The following EPB41L3 variants were observed in gnomAD, a reference collection of about 807,000 sequenced individuals.
The protein encoded by EPB41L3 is erythrocyte membrane protein band 4.1 like 3.
EPB41L3 carries 57 observed loss-of-function variants against 127.1 expected under a neutral mutation model. That is an observed-to-expected ratio of 0.45 (90% CI 0.36 to 0.56). EPB41L3 has a LOEUF of 0.56. Among genes scored for constraint, EPB41L3 ranks in the 20% least tolerant of loss-of-function variants. The probability of loss-of-function intolerance (pLI) is 0.00; values close to 1 mark genes in which losing one functional copy is unlikely to be tolerated. For synonymous variants in EPB41L3, 572 were observed against 549.5 expected (o/e 1.04, Z -0.57); for missense variants, 1,273 against 1,372.2 (o/e 0.93, Z 1.14).
chr18:5,451,894 A>T (rs990391723), intron 3 of EPB41L3, among the ~76,000 whole-genome samples: 3 of 152,088 alleles, frequency 2.0e-5, no homozygotes, highest in African/African-American at 7.2e-5. Flanking sequence ...GCTGGAGTCC[A>T]GTGGCGTGAT....
At chr18:5,398,245 CAG>C (rs2073916159) in intron 16 of EPB41L3, 102 bp from the exon 17 acceptor site, 1 of 1,349,618 alleles carries the variant, frequency 7.4e-7, no homozygotes, top group South Asian at 1.3e-5. Context: ...GCAGAGGAGA[CAG>C]GGAGGAGGAA....
chr18:5,403,172 G>T (rs115824765), intron 16 of EPB41L3, among the ~76,000 whole-genome samples: 3 of 152,146 alleles, frequency 2.0e-5, no homozygotes, highest in Non-Finnish European at 4.4e-5. Context: ...TACCTGGCAC[G>T]CTGTACATAC....
intron 3 of EPB41L3, among the ~76,000 whole-genome samples, chr18:5,468,412 T>C (rs886881359): frequency 2.6e-5 from 4 of 152,176 alleles, no homozygotes; most frequent in African/African-American, 7.2e-5. Flanking sequence ...ACGGTGCTTT[T>C]TCCAGGCCTG....
At chr18:5,524,407 C>G (rs1054507324) in intron 1 of EPB41L3, among the ~76,000 whole-genome samples, 1 of 152,106 alleles carries the variant, frequency 6.6e-6, no homozygotes, top group African/African-American at 2.4e-5. Flanking sequence ...GTTGGCCAGG[C>G]TGGTCTCGAA....
intron 1 of EPB41L3, among the ~76,000 whole-genome samples, chr18:5,536,023 C>T (rs2093561413): frequency 6.6e-6 from 1 of 152,118 alleles, no homozygotes; most frequent in South Asian, 2.1e-4. Flanking sequence ...GCTGCATCTG[C>T]TGTCCCTCGA....
intron 16 of EPB41L3, 122 bp from the exon 17 acceptor site, chr18:5,398,265 G>A (rs1687285299): frequency 1.2e-5 from 14 of 1,139,616 alleles, no homozygotes; most frequent in South Asian, 3.1e-5. Context: ...GAAGAACGAA[G>A]GAATCTCAGA....
intron 1 of EPB41L3, among the ~76,000 whole-genome samples, chr18:5,534,574 C>T (rs997251082): frequency 1.3e-5 from 2 of 152,176 alleles, no homozygotes; most frequent in African/African-American, 4.8e-5. Context: ...GAGTTTCATA[C>T]TCAAAAAATT....
intron 2 of EPB41L3, among the ~76,000 whole-genome samples, chr18:5,481,593 C>T (rs1444093943): frequency 6.6e-6 from 1 of 152,202 alleles, no homozygotes; most frequent in Admixed American, 6.5e-5. Flanking sequence ...GGAGAAATAT[C>T]CCCGAGGACA....
Position 5,526,678 on chromosome 18 carries a change from T to C in EPB41L3, c.-12+17235A>G, listed in dbSNP as rs112446264. 2.5e-4 allele frequency among the ~76,000 whole-genome samples: 38 copies of C among 152,198 alleles called. 1 individual carries two copies. Among genetic ancestry groups the C allele is most frequent in the African/African-American group, 8.4e-4 (35 of 41,528 alleles). On this transcript the variant is annotated intron_variant, in intron 1 of 22. Coordinates refer to ENST00000341928, the MANE Select transcript of EPB41L3 (RefSeq NM_012307.5). ...AAAATTCAATTTTCAATTAAAAAAATAGAAATAAGCCAGCAATGGAAGCTT... is the reference window on the plus strand; with the variant it reads ...AAAATTCAATTTTCAATTAAAAAAACAGAAATAAGCCAGCAATGGAAGCTT...
At chr18:5,435,352 T>G (rs1161240254) in intron 6 of EPB41L3, among the ~76,000 whole-genome samples, 1 of 152,234 alleles carries the variant, frequency 6.6e-6, no homozygotes, top group African/African-American at 2.4e-5. Context: ...ACTCACTCAC[T>G]GACTCATTCA....
At chr18:5,516,679 T>G (rs2092763890) in intron 1 of EPB41L3, among the ~76,000 whole-genome samples, 1 of 152,146 alleles carries the variant, frequency 6.6e-6, no homozygotes. Flanking sequence ...CTAAGCAAAA[T>G]AATTAACAAG....
chr18:5,555,657 TG>T (rs2149169734), intron 3 of EPB41L3, among the ~76,000 whole-genome samples: 1 of 152,296 alleles, frequency 6.6e-6, no homozygotes, highest in South Asian at 2.1e-4. Context: ...CTCTGGGCTC[TG>T]TCCACATCTC....
At chr18:5,485,214 A>T (rs550387379) in intron 2 of EPB41L3, among the ~76,000 whole-genome samples, 1 of 152,234 alleles carries the variant, frequency 6.6e-6, no homozygotes, top group Admixed American at 6.5e-5. Flanking sequence ...AATAAACATG[A>T]TACATCACAT....
intron 12 of EPB41L3, 72 bp from the exon 13 acceptor site, chr18:5,416,450 ATTAG>A (rs2076841383): frequency 6.9e-7 from 1 of 1,440,348 alleles, no homozygotes; most frequent in Admixed American, 2.5e-5. Flanking sequence ...GAAAACTGCA[ATTAG>A]TTAATTTTCT....
Position 5,592,219 on chromosome 18 carries a change from T to C in EPB41L3, c.-306+20121A>G, listed in dbSNP as rs368353125. Among the ~76,000 whole-genome samples, 3 of 152,248 alleles carry C rather than the reference T, an allele frequency of 2.0e-5. No individual in the cohort carries two copies. The South Asian group carries it at 6.2e-4, about 32-fold the overall frequency. ...TCTCGCTCTGTCACCCAGGCGGGAGTGCAGTGGCATGATCTTGGCTCACTG... is the reference window on the plus strand; with the variant it reads ...TCTCGCTCTGTCACCCAGGCGGGAGCGCAGTGGCATGATCTTGGCTCACTG... On this transcript the variant is annotated intron_variant, in intron 3 of 21. Coordinates refer to the EPB41L3 transcript ENST00000545076.
At chr18:5,473,941 A>T (rs2086643390) in intron 3 of EPB41L3, among the ~76,000 whole-genome samples, 2 of 152,090 alleles carry the variant, frequency 1.3e-5, no homozygotes, top group Non-Finnish European at 2.9e-5. Context: ...TTAGTGAGGA[A>T]AGTCTCTCAG....
chr18:5,602,743 A>G (rs1339869765), intron 3 of EPB41L3, among the ~76,000 whole-genome samples: 1 of 152,112 alleles, frequency 6.6e-6, no homozygotes, highest in Non-Finnish European at 1.5e-5. Context: ...ACTGCACCTC[A>G]CCTCACCTCC....
At chr18:5,394,889 C>T in intron 21 of EPB41L3, 96 bp from the exon 22 acceptor site, 1 of 1,240,910 alleles carries the variant, frequency 8.1e-7, no homozygotes, top group East Asian at 2.3e-5. Flanking sequence ...GATCTATATC[C>T]ACAATTTACA....
rs79967929 is a variant in EPB41L3, at chr18:5,464,830, C to T, written c.381+13411G>A. The stretch of plus-strand genomic sequence containing the variant: ...GCAGAACTAGAAAGAATGTCCTCTG[C>T]CAACGTCCCGAGGGACTAGAGATGA... On this transcript the variant is annotated intron_variant, in intron 3 of 22. Transcript: ENST00000341928. 3.4e-3 allele frequency among the ~76,000 whole-genome samples: 522 copies of T among 152,246 alleles called. 2 individuals carry two copies. Among genetic ancestry groups the T allele is most frequent in the African/African-American group, 0.012 (487 of 41,530 alleles).
Sources: gnomAD v4.1 joint callset for allele counts (sites outside exome capture counted in the v4.1 genomes callset) on GRCh38, gnomAD v4.1.1 for gene constraint, MANE v1.5 for transcripts, NCBI Gene and HGNC (gene_info 2026-07-23, HGNC 2026-07-21) for gene names.